PACRG: variants seen among roughly 807,000 people sequenced by gnomAD.
The protein encoded by PACRG is parkin coregulated gene protein.
PACRG carries 29 observed loss-of-function variants against 29.7 expected under a neutral mutation model. The ratio of observed to expected loss-of-function variants is 0.98; its 90% CI spans 0.73 to 1.33. The LOEUF (loss-of-function observed/expected upper bound fraction) is 1.33, where lower values mean the gene tolerates loss of function less well. Ranked by LOEUF, PACRG falls within the 40% of genes most tolerant of loss-of-function variation. PACRG has a pLI of 0.00. For synonymous variants in PACRG, 116 were observed against 118.7 expected (o/e 0.98, Z 0.15); for missense variants, 279 against 316.2 (o/e 0.88, Z 0.89).
intron 2 of PACRG, among the ~76,000 whole-genome samples, chr6:163,042,135 G>T (rs145966300): frequency 6.6e-6 from 1 of 152,192 alleles, no homozygotes; most frequent in Non-Finnish European, 1.5e-5. Context: ...AAAGTGCTGG[G>T]ATTACAGGCT....
At chr6:163,233,667 T>C (rs754282707) in intron 4 of PACRG, among the ~76,000 whole-genome samples, 2 of 152,184 alleles carry the variant, frequency 1.3e-5, no homozygotes, top group Admixed American at 6.5e-5. Context: ...GTGACTTCTT[T>C]GTGTTAGGGG....
intron 2 of PACRG, among the ~76,000 whole-genome samples, chr6:162,958,204 T>C (rs1445577740): frequency 6.6e-6 from 1 of 152,220 alleles, no homozygotes; most frequent in Non-Finnish European, 1.5e-5. Context: ...TTTGCAAATC[T>C]AGCTGGCAAA....
At chr6:163,209,857 A>T (rs1213117165) in intron 4 of PACRG, among the ~76,000 whole-genome samples, 2 of 152,212 alleles carry the variant, frequency 1.3e-5, no homozygotes, top group Non-Finnish European at 2.9e-5. Context: ...TTTCTTTTAA[A>T]GAAAGAAAAG....
chr6:162,742,134 A>G (rs1305173536), intron 1 of PACRG, among the ~76,000 whole-genome samples: 1 of 152,102 alleles, frequency 6.6e-6, no homozygotes, highest in Non-Finnish European at 1.5e-5. Flanking sequence ...GATTCCACGT[A>G]TGATATGGTT....
intron 2 of PACRG, among the ~76,000 whole-genome samples, chr6:162,874,722 C>T (rs1237057426): frequency 6.6e-6 from 1 of 152,104 alleles, no homozygotes; most frequent in Non-Finnish European, 1.5e-5. Context: ...GGCATGGCTC[C>T]TACATGCATA....
chr6:163,156,333 T>C (rs375247767), intron 4 of PACRG, among the ~76,000 whole-genome samples: 58 of 152,310 alleles, frequency 3.8e-4, no homozygotes, highest in African/African-American at 1.3e-3. Context: ...TCCCCAAGCC[T>C]GCTGCTTGTC....
At chr6:163,130,314 C>A (rs114717021) in intron 4 of PACRG, among the ~76,000 whole-genome samples, 20 of 152,238 alleles carry the variant, frequency 1.3e-4, no homozygotes, top group African/African-American at 4.8e-4. Flanking sequence ...TCCGGAGAAC[C>A]CTCCTTTCTC....
At chr6:163,068,568 C>T (rs1374250043) in intron 3 of PACRG, among the ~76,000 whole-genome samples, 1 of 150,514 alleles carries the variant, frequency 6.6e-6, no homozygotes, top group Non-Finnish European at 1.5e-5. Context: ...TGTGTTACTT[C>T]TTTAACAGTA....
intron 1 of PACRG, among the ~76,000 whole-genome samples, chr6:162,750,830 A>T (rs1314652102): frequency 6.6e-6 from 1 of 152,206 alleles, no homozygotes. Flanking sequence ...TATTTTTCAC[A>T]AATCTATTAA....
intron 4 of PACRG, among the ~76,000 whole-genome samples, chr6:163,144,250 G>A (rs1205660): frequency 0.33 from 42,479 of 129,076 alleles, 7,512 homozygotes; most frequent in East Asian, 0.52. Flanking sequence ...AAAAAAAAAA[G>A]GGAAAAGTAG....
chr6:162,941,726 C>A lies in PACRG; in HGVS notation c.292-120424C>A, dbSNP rs117423655. On this transcript the variant is annotated intron_variant, in intron 2 of 4. Coordinates refer to ENST00000366888, the MANE Select transcript of PACRG (RefSeq NM_001080379.2). ...GTATGCATATTTCAAGACATTGTAC[C>A]CCATAAATACATACAATTATAATTT... 3.1e-4 allele frequency among the ~76,000 whole-genome samples: 47 copies of A among 151,802 alleles called. No individual in the cohort carries two copies. The East Asian group carries it at 7.7e-3, about 25-fold the overall frequency.
chr6:163,265,913 C>T (rs1783516129), intron 4 of PACRG, among the ~76,000 whole-genome samples: 2 of 152,176 alleles, frequency 1.3e-5, no homozygotes, highest in Admixed American at 1.3e-4. Context: ...CATTTCACTT[C>T]TGCAAATAAA....
intron 2 of PACRG, among the ~76,000 whole-genome samples, chr6:162,911,908 C>T (rs953287406): frequency 6.6e-6 from 1 of 152,096 alleles, no homozygotes; most frequent in African/African-American, 2.4e-5. Flanking sequence ...GAGAAGTAAC[C>T]TATAATTGAG....
At chr6:162,946,469 G>A (rs1177819398) in intron 2 of PACRG, among the ~76,000 whole-genome samples, 1 of 151,888 alleles carries the variant, frequency 6.6e-6, no homozygotes, top group African/African-American at 2.4e-5. Flanking sequence ...GAACAGACTG[G>A]TAATAAGATT....
intron 2 of PACRG, among the ~76,000 whole-genome samples, chr6:163,018,868 T>C (rs548838718): frequency 6.6e-6 from 1 of 152,294 alleles, no homozygotes; most frequent in Middle Eastern, 3.4e-3. Flanking sequence ...TCATCTGTCA[T>C]TTTCTCTAAA....
chr6:163,146,134 G>A (rs999160360), intron 4 of PACRG, among the ~76,000 whole-genome samples: 6 of 151,850 alleles, frequency 4.0e-5, no homozygotes, highest in Non-Finnish European at 7.4e-5. Flanking sequence ...TCACTCTTCC[G>A]TTCTCCCTCT....
intron 1 of PACRG, among the ~76,000 whole-genome samples, chr6:162,770,589 G>C (rs1783143039): frequency 6.6e-6 from 1 of 152,050 alleles, no homozygotes; most frequent in Non-Finnish European, 1.5e-5. Flanking sequence ...AGTTTTCAGA[G>C]GCTCTGTCAC....
chr6:162,940,519 CCTCT>C (rs1798542535), intron 2 of PACRG, among the ~76,000 whole-genome samples: 1 of 152,060 alleles, frequency 6.6e-6, no homozygotes, highest in Non-Finnish European at 1.5e-5. Flanking sequence ...CTCTCTCTGT[CCTCT>C]CTATTTGAGT....
chr6:163,313,837 C>G (rs2128194955), intron 4 of PACRG: 1 of 152,318 alleles, frequency 6.6e-6, no homozygotes, highest in Non-Finnish European at 1.5e-5. Context: ...CGTTGAAGCC[C>G]TTGGTAACCT....
Sources: gnomAD v4.1 joint callset for allele counts (sites outside exome capture counted in the v4.1 genomes callset) on GRCh38, gnomAD v4.1.1 for gene constraint, MANE v1.5 for transcripts, NCBI Gene and HGNC (gene_info 2026-07-23, HGNC 2026-07-21) for gene names.